Variants in NFASC observed in about 807,000 individuals in gnomAD.
NFASC encodes neurofascin homolog.
NFASC carries 43 observed loss-of-function variants against 147.5 expected under a neutral mutation model. The observed-to-expected ratio is 0.29, with a 90% CI of 0.23 to 0.38. NFASC has a LOEUF of 0.38. NFASC is among the 10% of genes least tolerant of loss of function. NFASC has a pLI of 1.00. For synonymous variants in NFASC, 622 were observed against 665.5 expected, an observed-to-expected ratio of 0.93 and a Z score of 1.01; for missense variants, 1,320 against 1,689.0, an observed-to-expected ratio of 0.78 and a Z score of 3.83.
intron 1 of NFASC, among the ~76,000 whole-genome samples, chr1:204,885,693 A>G (rs902639547): frequency 2.0e-5 from 3 of 152,138 alleles, no homozygotes; most frequent in African/African-American, 7.2e-5. Context: ...CCCTGGTTCA[A>G]AGTTCCTTAG....
chr1:204,953,083 C>A (rs1027271926), intron 5 of NFASC, among the ~76,000 whole-genome samples: 1 of 152,222 alleles, frequency 6.6e-6, no homozygotes. Flanking sequence ...TTTGCAGAGA[C>A]AATAATCCTG....
intron 1 of NFASC, among the ~76,000 whole-genome samples, chr1:204,895,245 T>G (rs1299175214): frequency 6.6e-6 from 1 of 152,188 alleles, no homozygotes; most frequent in African/African-American, 2.4e-5. Context: ...GACCCCTGCC[T>G]GTCCCTCCTG....
At chr1:204,845,809 G>A (rs534805798) in intron 1 of NFASC, among the ~76,000 whole-genome samples, 1 of 152,324 alleles carries the variant, frequency 6.6e-6, no homozygotes, top group Non-Finnish European at 1.5e-5. Flanking sequence ...GGCTGAGGCA[G>A]GAGGATCGCT....
intron 1 of NFASC, among the ~76,000 whole-genome samples, chr1:204,845,654 C>T (rs1308059528): frequency 2.0e-5 from 3 of 152,102 alleles, no homozygotes; most frequent in African/African-American, 7.2e-5. Flanking sequence ...ATAATCCCAG[C>T]ACTTTGGGAG....
intron 1 of NFASC, among the ~76,000 whole-genome samples, chr1:204,847,189 T>C (rs1317815620): frequency 6.6e-6 from 1 of 152,108 alleles, no homozygotes; most frequent in Non-Finnish European, 1.5e-5. Flanking sequence ...TCCTGGCTAT[T>C]GTCATAGCAG....
chr1:204,977,634 A>G, intron 16 of NFASC, 47 bp from the exon 17 acceptor site: 1 of 1,586,222 alleles, frequency 6.3e-7, no homozygotes, highest in Non-Finnish European at 8.6e-7. Context: ...GAACACCTTT[A>G]ATGCTGGATA....
At chr1:204,868,374 C>G (rs1184437514) in intron 1 of NFASC, among the ~76,000 whole-genome samples, 1 of 152,166 alleles carries the variant, frequency 6.6e-6, no homozygotes, top group Non-Finnish European at 1.5e-5. Flanking sequence ...ATCGGAGGAG[C>G]ACGACCTGGC....
chr1:204,829,775 C>T (rs1017322205), intron 1 of NFASC, among the ~76,000 whole-genome samples: 14 of 152,124 alleles, frequency 9.2e-5, no homozygotes, highest in African/African-American at 3.1e-4. Flanking sequence ...GATGTAAAGG[C>T]CTGGATGAGG....
intron 1 of NFASC, among the ~76,000 whole-genome samples, chr1:204,915,006 G>A (rs2088803964): frequency 1.3e-5 from 2 of 152,154 alleles, no homozygotes; most frequent in African/African-American, 4.8e-5. Flanking sequence ...CGCTGGGCGC[G>A]GTGGCTCTTT....
chr1:204,987,397 G>A lies in NFASC; in HGVS notation c.2471-21G>A. The stretch of plus-strand genomic sequence containing the variant: ...CTGCCCCCTCCCCCTCATCTCCCCT[G>A]CTCTCTCCTCCTTCCCCAAGTACCC... On this transcript the variant is annotated intron_variant, in intron 21 of 29. Coordinates refer to ENST00000339876, the MANE Select transcript of NFASC (RefSeq NM_001005388.3). The surrounding 1 kb of genome is among the most constrained non-coding windows in gnomAD (Gnocchi z 4.4). 6.2e-7 allele frequency: 1 copy of A among 1,609,456 alleles called. No homozygotes were observed. The highest frequency in any genetic ancestry group is 8.5e-7 in the Non-Finnish European group (1 of 1,177,432).
chr1:204,980,083 A>C (rs1319645713), intron 19 of NFASC, among the ~76,000 whole-genome samples: 2 of 152,228 alleles, frequency 1.3e-5, no homozygotes, highest in African/African-American at 4.8e-5. Context: ...ATCCACATTG[A>C]GTTGGCTTAC....
At chr1:204,898,220 T>G (rs1209085618) in intron 1 of NFASC, among the ~76,000 whole-genome samples, 1 of 152,176 alleles carries the variant, frequency 6.6e-6, no homozygotes, top group African/African-American at 2.4e-5. Flanking sequence ...TTAAGGTCAT[T>G]AAGAAGACAA....
At chr1:204,985,366 A>C (rs2095595183) in intron 21 of NFASC, among the ~76,000 whole-genome samples, 1 of 152,232 alleles carries the variant, frequency 6.6e-6, no homozygotes, top group African/African-American at 2.4e-5. Flanking sequence ...TCTTCCAACA[A>C]TATGAAAAGA....
At chr1:205,003,912 A>T (rs1216732994) in intron 27 of NFASC, among the ~76,000 whole-genome samples, 2 of 152,084 alleles carry the variant, frequency 1.3e-5, no homozygotes, top group East Asian at 3.9e-4. Context: ...GCACATTTGC[A>T]TGCCATCAAG....
intron 2 of NFASC, among the ~76,000 whole-genome samples, chr1:204,937,011 C>A (rs1367413248): frequency 6.6e-6 from 1 of 151,658 alleles, no homozygotes; most frequent in Non-Finnish European, 1.5e-5. Flanking sequence ...GCCTGGGATG[C>A]TTTTCTGACC....
chr1:204,971,874 G>A (rs12068898), intron 11 of NFASC, among the ~76,000 whole-genome samples: 134 of 152,284 alleles, frequency 8.8e-4, no homozygotes, highest in African/African-American at 2.9e-3. Context: ...GGTAAGCTAG[G>A]CAATTGCGCT....
In NFASC at chr1:204,997,199, G is replaced by T. The variant is rs202164588; in HGVS notation, c.2812G>T (p.Gly938Cys). The T allele has an allele frequency of 2.5e-6, 4 of 1,613,354 alleles. No individual in the cohort carries two copies. Among genetic ancestry groups the T allele is most frequent in the Non-Finnish European group, 3.4e-6 (4 of 1,179,484 alleles). ...TCCCACATTGCCCCCGACTACCGTG[G>T]GTGCGACGGGCGCTGTGAGCAGTAC... ...APPTLPPTTVGATGAVSSTDA... is the reference protein window; with the variant it reads ...APPTLPPTTVCATGAVSSTDA... The change falls in exon 25 of 30, where the codon GGT (glycine) becomes TGT (cysteine). Residue 938 changes from glycine to cysteine, a missense_variant. Physicochemically the swap from Gly to Cys is radical, Grantham distance 159. This residue lies in a region of NFASC where 981 missense variants were observed against 1,289.5 expected (regional missense o/e 0.76). Transcript: ENST00000339876.
chr1:204,895,791 T>C (rs2083276362), intron 1 of NFASC, among the ~76,000 whole-genome samples: 1 of 152,236 alleles, frequency 6.6e-6, no homozygotes, highest in African/African-American at 2.4e-5. Flanking sequence ...AATATCCTCA[T>C]TTTTTAAATA....
intron 11 of NFASC, among the ~76,000 whole-genome samples, chr1:204,972,221 A>G (rs1040423305): frequency 3.9e-5 from 6 of 152,150 alleles, no homozygotes; most frequent in African/African-American, 1.2e-4. Flanking sequence ...CTTCCCCTGT[A>G]GGTCTGAGTC....
Sources: gnomAD v4.1 joint callset for allele counts (sites outside exome capture counted in the v4.1 genomes callset) on GRCh38, gnomAD v4.1.1 for gene constraint, gnomAD v4.1.1 regional missense constraint, Gnocchi (gnomAD v3.1) non-coding constraint, MANE v1.5 for transcripts, NCBI Gene and HGNC (gene_info 2026-07-23, HGNC 2026-07-21) for gene names.